BCAR1: variants seen among roughly 807,000 people sequenced by gnomAD.
BCAR1 encodes the protein breast cancer anti-estrogen resistance protein 1.
In BCAR1, 30 loss-of-function variants were observed where a neutral mutation model predicts 67.6. The ratio of observed to expected loss-of-function variants is 0.44; its 90% CI spans 0.33 to 0.60. The LOEUF is 0.60. Among genes scored for constraint, BCAR1 ranks in the 20% least tolerant of loss-of-function variants. BCAR1 has a pLI of 0.02. For synonymous variants in BCAR1, 626 were observed against 556.7 expected, an observed-to-expected ratio of 1.12 and a Z score of -1.75; for missense variants, 1,313 against 1,222.3, an observed-to-expected ratio of 1.07 and a Z score of -1.11.
At chr16:75,234,228 A>G (rs2077016210) in intron 5 of BCAR1, among the ~76,000 whole-genome samples, 1 of 148,358 alleles carries the variant, frequency 6.7e-6, no homozygotes, top group African/African-American at 2.5e-5. Context: ...TATGTGGGAC[A>G]CAGCCCCCCC....
intron 4 of BCAR1, chr16:75,236,432 ACT>A: frequency 3.0e-6 from 1 of 330,708 alleles, no homozygotes; most frequent in East Asian, 6.6e-5. Flanking sequence ...CACCACCATC[ACT>A]GTTACCACCC....
At chr16:75,255,391 T>G (rs1397078179), upstream of BCAR1, among the ~76,000 whole-genome samples, 2 of 152,150 alleles carry the variant, frequency 1.3e-5, no homozygotes, top group Admixed American at 6.5e-5. Flanking sequence ...CAATGAGAGC[T>G]GACACCATCC....
At chr16:75,239,591 C>T (rs2077266065) in intron 2 of BCAR1, among the ~76,000 whole-genome samples, 2 of 152,196 alleles carry the variant, frequency 1.3e-5, no homozygotes, top group Non-Finnish European at 2.9e-5. Context: ...TGGGTGTCGC[C>T]CCTGACCTGG....
Position 75,229,848 on chromosome 16 carries a change from G to C in BCAR1, c.2276C>G (p.Thr759Ser). Residue 759 changes from threonine to serine, a missense_variant, in exon 7 of 7, where the codon ACC becomes AGC. Thr to Ser is a moderately conservative substitution (Grantham distance 58). Around this residue, in one of 2 missense-constraint regions of BCAR1, gnomAD observed 1,272 missense variants for 1,137.5 expected, o/e 1.12. Coordinates refer to ENST00000162330, the MANE Select transcript of BCAR1 (RefSeq NM_014567.5). ...EQCEANLTTL[T>S]NAVDAFFTAV... ...GGTAAAGAAGGCGTCCACGGCGTTG[G>C]TCAGTGTGGTCAGGTTGGCCTCACA... The C allele has an allele frequency of 6.2e-7, 1 of 1,613,364 alleles. No individual in the cohort carries two copies. Among genetic ancestry groups the C allele is most frequent in the Non-Finnish European group, 8.5e-7 (1 of 1,179,998 alleles).
upstream of BCAR1, among the ~76,000 whole-genome samples, chr16:75,254,358 A>G (rs2077735714): frequency 6.6e-6 from 1 of 152,166 alleles, no homozygotes; most frequent in African/African-American, 2.4e-5. Context: ...AGTAAAACTG[A>G]GCTCAGCACT....
chr16:75,262,234 G>GT (rs2077920317), intron 1 of BCAR1, among the ~76,000 whole-genome samples: 10 of 152,304 alleles, frequency 6.6e-5, no homozygotes, highest in African/African-American at 2.2e-4. Context: ...ACTGGCCTGT[G>GT]GGGGCTCCAC....
intron 1 of BCAR1, among the ~76,000 whole-genome samples, chr16:75,265,488 G>A (rs1353649915): frequency 6.6e-6 from 1 of 152,142 alleles, no homozygotes; most frequent in Non-Finnish European, 1.5e-5. Context: ...GGGTCCTGGC[G>A]GGCAACAGAC....
At chr16:75,259,785 G>GACAA (rs2077858776) in intron 1 of BCAR1, among the ~76,000 whole-genome samples, 1 of 147,556 alleles carries the variant, frequency 6.8e-6, no homozygotes, top group Non-Finnish European at 1.5e-5. Context: ...CTAGGAGGTG[G>GACAA]AGGTTGCAGT....
upstream of BCAR1, among the ~76,000 whole-genome samples, chr16:75,254,371 G>C (rs997423105): frequency 6.6e-6 from 1 of 152,106 alleles, no homozygotes; most frequent in Non-Finnish European, 1.5e-5. Flanking sequence ...TCAGCACTGG[G>C]GCCAGCACCA....
At chr16:75,262,774 T>TGCTGGGGCTG (rs113549361) in intron 1 of BCAR1, among the ~76,000 whole-genome samples, 4 of 152,308 alleles carry the variant, frequency 2.6e-5, no homozygotes, top group Middle Eastern at 6.8e-3. Flanking sequence ...CATCTACCAC[T>TGCTGGGGCTG]GCTGGGGCTG....
At position 75,250,616 on chromosome 16, in the gene BCAR1, A is replaced by G; in HGVS notation, c.12+855T>C. On this transcript the variant is annotated intron_variant, in intron 1 of 6. Coordinates refer to ENST00000162330, the MANE Select transcript of BCAR1 (RefSeq NM_014567.5). ...GAAACCCCAACATCTTCCAGGCCGTAAGCCCCTCACCCCGCACCCCTAGGC... is the reference window on the plus strand; with the variant it reads ...GAAACCCCAACATCTTCCAGGCCGTGAGCCCCTCACCCCGCACCCCTAGGC... 4.1e-6 allele frequency: 4 copies of G among 984,360 alleles called. No individual in the cohort carries two copies. The South Asian group carries it at 1.9e-4, about 46-fold the overall frequency. The allele number at this position is 984,360 out of a possible 1,614,324, so 61.0% of individuals were successfully genotyped here.
rs770307875 is a variant in BCAR1 at position 75,234,978 on chromosome 16, G to C, written c.1921C>G (p.Pro641Ala). The C allele has an allele frequency of 4.4e-6, 7 of 1,605,176 alleles. No homozygotes were observed. Among genetic ancestry groups the C allele is most frequent in the East Asian group, 2.2e-5 (1 of 44,680 alleles). Residue 641 changes from proline (P) to alanine (A), a missense_variant, in exon 5 of 7, where the codon CCT becomes GCT. Pro to Ala is a conservative substitution (Grantham distance 27). This residue lies in a region of BCAR1 where 1,272 missense variants were observed against 1,137.5 expected (regional missense o/e 1.12). Transcript: ENST00000162330. The stretch of plus-strand genomic sequence containing the variant: ...GGCGAGTCCTGGGAGGTGAACTTAG[G>C]GGGTGAGGGCAGGGGTCGTGACTGG... ...SIQSRPLPSPPKFTSQDSPDG... is the reference protein window; with the variant it reads ...SIQSRPLPSPAKFTSQDSPDG...
At chr16:75,266,078 A>C (rs2078004921) in intron 1 of BCAR1, 2 of 1,008,326 alleles carry the variant, frequency 2.0e-6, no homozygotes, top group Non-Finnish European at 2.4e-6. Flanking sequence ...CCCCGGACCT[A>C]GGCCTTTTTC....
Position 75,235,092 on chromosome 16 carries a change from G to A in BCAR1, c.1807C>T (p.Leu603=), listed in dbSNP as rs188655392. The stretch of plus-strand genomic sequence containing the variant: ...GTGGCCTTGGTCCGTCTGAAGAGCA[G>A]TGAGGCATTGCCGTGCAGGAAGGAG... The part of the protein sequence containing the change: ...LASFLHGNAS[L]LFRRTKATAP... The change falls in exon 5 of 7, where the codon CTG becomes TTG. Residue 603 remains leucine (L), a synonymous_variant. Transcript: ENST00000162330. 6.2e-7 allele frequency: 1 copy of A among 1,612,464 alleles called. No homozygotes were observed. The highest frequency in any genetic ancestry group is 8.5e-7 in the Non-Finnish European group (1 of 1,180,028).
chr16:75,241,282 T>A (rs1250600591), intron 2 of BCAR1, among the ~76,000 whole-genome samples: 3 of 152,164 alleles, frequency 2.0e-5, no homozygotes, highest in African/African-American at 7.2e-5. Flanking sequence ...GATATGTGCA[T>A]GTATTCACGC....
chr16:75,229,559 G>T lies in BCAR1; in HGVS notation c.2565C>A (p.His855Gln). 2 of 1,606,184 alleles carry T rather than the reference G, an allele frequency of 1.2e-6. No homozygotes were observed. The highest frequency in any genetic ancestry group is 1.7e-6 in the Non-Finnish European group (2 of 1,177,182). ...DMVERVKELG[H>Q]STQQFRRVLG... is the part of the protein sequence containing the mutation. ...GGACGCGGCGGAACTGCTGGGTGCT[G>T]TGGCCCAGCTCCTTGACCCTCTCCA... Residue 855 changes from histidine to glutamine, a missense_variant, in exon 7 of 7, where the codon CAC becomes CAA. By Grantham distance (24) the His-to-Gln change is conservative. Coordinates refer to ENST00000162330, the MANE Select transcript of BCAR1 (RefSeq NM_014567.5).
At chr16:75,250,757 A>T in intron 1 of BCAR1, 1 of 985,498 alleles carries the variant, frequency 1.0e-6, no homozygotes, top group Non-Finnish European at 1.2e-6. Flanking sequence ...TGGACTCCAA[A>T]GCCTTCATGT....
chr16:75,237,339 C>T lies in BCAR1; in HGVS notation c.639G>A (p.Val213=). The part of the protein sequence containing the change: ...WEGTKPPAKV[V]VPTRVGQGYV... ...AGCCCTGCCCCACGCGGGTGGGCACCACCACCTGGGGGCAGAGAGCCGACT... is the reference window on the plus strand; with the variant it reads ...AGCCCTGCCCCACGCGGGTGGGCACTACCACCTGGGGGCAGAGAGCCGACT... Residue 213 remains valine (V), a synonymous_variant, in exon 3 of 7, where the codon GTG becomes GTA. Transcript: ENST00000162330. 4 of 1,463,202 alleles carry T rather than the reference C, an allele frequency of 2.7e-6. No individual in the cohort carries two copies. Among genetic ancestry groups the T allele is most frequent in the South Asian group, 1.4e-5 (1 of 69,544 alleles). The allele number at this position is 1,463,202 out of a possible 1,614,324, so 90.6% of individuals were successfully genotyped here. A position where few individuals can be genotyped will look rare whatever the true frequency, so the allele number is the denominator to read the frequency against.
At chr16:75,260,317 T>C (rs548832516) in intron 1 of BCAR1, among the ~76,000 whole-genome samples, 45 of 152,094 alleles carry the variant, frequency 3.0e-4, no homozygotes, top group Admixed American at 1.4e-3. Context: ...ATTCGATTGA[T>C]GGCTACATGA....
Sources: gnomAD v4.1 joint callset for allele counts (sites outside exome capture counted in the v4.1 genomes callset) on GRCh38, gnomAD v4.1.1 for gene constraint, gnomAD v4.1.1 regional missense constraint, MANE v1.5 for transcripts, NCBI Gene and HGNC (gene_info 2026-07-23, HGNC 2026-07-21) for gene names.